The following TASP1 variants were observed in gnomAD, a reference collection of about 807,000 sequenced individuals.
TASP1 encodes the protein taspase 1.
TASP1 carries 16 observed loss-of-function variants against 56.6 expected under a neutral mutation model. The ratio of observed to expected loss-of-function variants is 0.28; its 90% CI spans 0.19 to 0.43. The LOEUF (loss-of-function observed/expected upper bound fraction) is 0.43. TASP1 is among the 20% of genes least tolerant of loss of function. TASP1 has a pLI of 1.00. For missense variants in TASP1, 393 were observed against 511.6 expected (o/e 0.77, Z 2.24); for synonymous variants, 179 against 184.2 (o/e 0.97, Z 0.23).
chr20:13,176,290 A>C, the TASP1 span, among the ~76,000 whole-genome samples: 5 of 152,262 alleles, frequency 3.3e-5, no homozygotes, highest in East Asian at 9.6e-4. Flanking sequence ...GTGTTGAATA[A>C]GAGTGGTGAG....
the TASP1 span, among the ~76,000 whole-genome samples, chr20:13,137,863 C>T: frequency 6.6e-6 from 1 of 152,156 alleles, no homozygotes; most frequent in Non-Finnish European, 1.5e-5. Context: ...CTTCACCACA[C>T]AGACCTTCCT....
At position 13,430,009 on chromosome 20, in the gene TASP1, T is replaced by C. The variant is rs143089801; in HGVS notation, c.1096+5035A>G. ...ATGGAGACGGGACTGAGGGGACAAA[T>C]AGAGGAAGAAAGGCTGGAGGTGAGG... On this transcript the variant is annotated intron_variant, in intron 12 of 13. Transcript: ENST00000337743. 2.0e-4 allele frequency among the ~76,000 whole-genome samples: 30 copies of C among 151,890 alleles called. No individual in the cohort carries two copies. In the East Asian group the frequency reaches 4.3e-3, roughly 22 times the overall value.
At chr20:13,618,365 A>C (rs894422441) in intron 4 of TASP1, among the ~76,000 whole-genome samples, 1 of 152,134 alleles carries the variant, frequency 6.6e-6, no homozygotes, top group African/African-American at 2.4e-5. Context: ...GTGAGCCAAG[A>C]TCATACCACT....
intron 4 of TASP1, among the ~76,000 whole-genome samples, chr20:13,611,059 G>A (rs1174338036): frequency 6.6e-6 from 1 of 152,178 alleles, no homozygotes; most frequent in African/African-American, 2.4e-5. Context: ...TAATAAAATG[G>A]GAGACAGTCA....
At chr20:13,202,246 G>A in the TASP1 span, among the ~76,000 whole-genome samples, 1 of 152,178 alleles carries the variant, frequency 6.6e-6, no homozygotes, top group Non-Finnish European at 1.5e-5. Context: ...CTGAGTTCAA[G>A]CTACCAACAT....
chr20:13,282,086 G>C, the TASP1 span, among the ~76,000 whole-genome samples: 1 of 152,138 alleles, frequency 6.6e-6, no homozygotes, highest in East Asian at 1.9e-4. Flanking sequence ...GCTGCATTGC[G>C]CACCTCTGTT....
intron 4 of TASP1, among the ~76,000 whole-genome samples, chr20:13,599,499 G>A (rs761612938): frequency 3.9e-5 from 6 of 152,120 alleles, no homozygotes; most frequent in South Asian, 2.1e-4. Flanking sequence ...GACACAGGGC[G>A]GAGAACATCA....
chr20:13,174,858 T>C, the TASP1 span, among the ~76,000 whole-genome samples: 1 of 152,116 alleles, frequency 6.6e-6, no homozygotes, highest in East Asian at 1.9e-4. Context: ...TCCCCACATG[T>C]CATGGGCAGG....
chr20:13,142,348 GGAGTGGT>G, the TASP1 span, among the ~76,000 whole-genome samples: 1 of 152,172 alleles, frequency 6.6e-6, no homozygotes, highest in Non-Finnish European at 1.5e-5. Flanking sequence ...CTGAGATGGG[GGAGTGGT>G]GATGTAATAC....
the TASP1 span, among the ~76,000 whole-genome samples, chr20:13,247,517 G>GGGGTGTGTGTGTGTGT: frequency 4.3e-5 from 6 of 139,912 alleles, no homozygotes; most frequent in African/African-American, 1.3e-4. Context: ...CAAAGTGAGG[G>GGGGTGTGTGTGTGTGT]GTGTGTGTGT....
chr20:13,628,578 G>C (rs946043561), intron 2 of TASP1, among the ~76,000 whole-genome samples: 1 of 152,144 alleles, frequency 6.6e-6, no homozygotes, highest in Admixed American at 6.6e-5. Context: ...GGCTTCTCGG[G>C]TTGTCCAGTC....
intron 4 of TASP1, chr20:13,600,464 A>C (rs986818945): frequency 6.6e-6 from 1 of 152,192 alleles, no homozygotes; most frequent in Non-Finnish European, 1.5e-5. Flanking sequence ...AAAGGTGGCA[A>C]GGCAATTCAA....
chr20:13,434,719 C>T (rs1226884481), intron 12 of TASP1, among the ~76,000 whole-genome samples: 1 of 152,052 alleles, frequency 6.6e-6, no homozygotes, highest in Non-Finnish European at 1.5e-5. Flanking sequence ...TTACTGTGTG[C>T]CTTGTTATGG....
At chr20:13,280,010 G>A in the TASP1 span, 1 of 1,061,520 alleles carries the variant, frequency 9.4e-7, no homozygotes, top group Non-Finnish European at 1.3e-6. Context: ...TTGGTCTTCT[G>A]TGAGGCAAAC....
chr20:13,339,183 C>T, the TASP1 span, among the ~76,000 whole-genome samples: 3 of 152,106 alleles, frequency 2.0e-5, no homozygotes, highest in Non-Finnish European at 4.4e-5. Flanking sequence ...GACTTGAATC[C>T]CATTGGCCTG....
the TASP1 span, among the ~76,000 whole-genome samples, chr20:13,128,940 G>A: frequency 6.7e-5 from 10 of 148,620 alleles, no homozygotes; most frequent in Non-Finnish European, 1.3e-4. Flanking sequence ...ACAATGGTGC[G>A]ATCTCAGCTC....
chr20:13,300,389 T>A, the TASP1 span: 6 of 151,962 alleles, frequency 3.9e-5, no homozygotes, highest in Non-Finnish European at 5.9e-5. Flanking sequence ...CATCTACCAA[T>A]ATATCCCCAA....
At chr20:13,573,982 C>G (rs2046809328) in intron 6 of TASP1, among the ~76,000 whole-genome samples, 1 of 152,000 alleles carries the variant, frequency 6.6e-6, no homozygotes, top group Non-Finnish European at 1.5e-5. Context: ...GTTCACAATA[C>G]CAGAGAGGAG....
intron 1 of TASP1, among the ~76,000 whole-genome samples, chr20:13,637,840 T>A (rs889915045): frequency 9.2e-5 from 14 of 152,314 alleles, no homozygotes; most frequent in African/African-American, 3.4e-4. Context: ...CTTTGCGATA[T>A]GAGAAAAAGC....
Sources: gnomAD v4.1 joint callset for allele counts (sites outside exome capture counted in the v4.1 genomes callset) on GRCh38, gnomAD v4.1.1 for gene constraint, MANE v1.5 for transcripts, NCBI Gene and HGNC (gene_info 2026-07-23, HGNC 2026-07-21) for gene names.